Variants in RALGPS1 observed in about 807,000 individuals in gnomAD.
RALGPS1 encodes the protein Ral GEF with PH domain and SH3 binding motif 1.
In RALGPS1, 19 loss-of-function variants were observed where a neutral mutation model predicts 78.8. The ratio of observed to expected loss-of-function variants is 0.24; its 90% CI spans 0.17 to 0.35. RALGPS1 has a LOEUF of 0.35. RALGPS1 is among the 10% of genes least tolerant of loss of function. RALGPS1 has a pLI of 1.00. For synonymous variants in RALGPS1, 228 were observed against 256.3 expected (o/e 0.89, Z 1.06); for missense variants, 454 against 688.3 (o/e 0.66, Z 3.81).
chr9:126,936,878 C>T lies in RALGPS1; in HGVS notation c.-66+21903C>T, dbSNP rs934007753. On this transcript the variant is annotated intron_variant, in intron 1 of 18. Transcript: ENST00000259351. ...TTTTTTTTTTTTTGAGACATAGTCT[C>T]GCTCTGTTGTCCAGGCTGGAGTACA... Among the ~76,000 whole-genome samples, 8 of 149,772 alleles carry T rather than the reference C, an allele frequency of 5.3e-5. No individual in the cohort carries two copies. In the South Asian group the frequency reaches 1.3e-3, roughly 24 times the overall value.
chr9:127,174,265 A>AAG (rs1194767469), intron 10 of RALGPS1, among the ~76,000 whole-genome samples: 1 of 148,780 alleles, frequency 6.7e-6, no homozygotes, highest in Non-Finnish European at 1.5e-5. Flanking sequence ...AAGAAAGAAA[A>AAG]AGAGAGAGAG....
chr9:127,157,839 T>C (rs939560618), intron 8 of RALGPS1, among the ~76,000 whole-genome samples: 11 of 152,162 alleles, frequency 7.2e-5, no homozygotes, highest in African/African-American at 2.4e-4. Flanking sequence ...TCTTGCTTTA[T>C]CACATTCAGC....
intron 5 of RALGPS1, among the ~76,000 whole-genome samples, chr9:127,035,485 A>G (rs777164948): frequency 6.6e-6 from 1 of 152,018 alleles, no homozygotes; most frequent in Non-Finnish European, 1.5e-5. Flanking sequence ...CTTCATTCTT[A>G]TTTTTCTGGT....
intron 8 of RALGPS1, among the ~76,000 whole-genome samples, chr9:127,127,709 A>G (rs1344138764): frequency 1.3e-5 from 2 of 152,232 alleles, no homozygotes; most frequent in Non-Finnish European, 2.9e-5. Flanking sequence ...TTTTAAAACC[A>G]TATGAGTGAA....
At chr9:127,214,904 G>T (rs2062486785) in intron 18 of RALGPS1, 62 bp downstream of exon 18, 2 of 1,601,564 alleles carry the variant, frequency 1.2e-6, no homozygotes, top group Non-Finnish European at 1.7e-6. Flanking sequence ...GGAACTAAGG[G>T]TCTTTAGAAA....
At chr9:127,172,799 T>C (rs2139823185) in intron 10 of RALGPS1, among the ~76,000 whole-genome samples, 1 of 152,332 alleles carries the variant, frequency 6.6e-6, no homozygotes, top group Middle Eastern at 3.4e-3. Flanking sequence ...GTTGTTCCAC[T>C]GCTCTAAGCA....
intron 5 of RALGPS1, among the ~76,000 whole-genome samples, chr9:127,042,362 A>G (rs934756827): frequency 6.6e-6 from 1 of 152,190 alleles, no homozygotes; most frequent in Non-Finnish European, 1.5e-5. Flanking sequence ...TCCTTCAGCA[A>G]TTGGAAATCA....
chr9:127,039,286 T>C (rs1427958411), intron 5 of RALGPS1, among the ~76,000 whole-genome samples: 2 of 152,170 alleles, frequency 1.3e-5, no homozygotes, highest in Non-Finnish European at 2.9e-5. Flanking sequence ...GGGCAGTATC[T>C]GGAAATCAGT....
chr9:126,944,376 G>A (rs2037060249), intron 1 of RALGPS1, among the ~76,000 whole-genome samples: 1 of 151,372 alleles, frequency 6.6e-6, no homozygotes, highest in African/African-American at 2.4e-5. Context: ...CTAAGAGGGA[G>A]GGAAAAGGAG....
chr9:127,118,835 T>C (rs1378190720), intron 8 of RALGPS1, among the ~76,000 whole-genome samples: 1 of 152,246 alleles, frequency 6.6e-6, no homozygotes, highest in Non-Finnish European at 1.5e-5. Flanking sequence ...TTGCTGAATG[T>C]ACCTGCTTTG....
In RALGPS1 at chr9:127,091,664, T is replaced by C; in HGVS notation, c.610+22308T>C. The C allele has an allele frequency of 6.2e-7, 1 of 1,611,098 alleles. No homozygotes were observed. The highest frequency in any genetic ancestry group is 8.5e-7 in the Non-Finnish European group (1 of 1,178,030). On this transcript the variant is annotated intron_variant, in intron 8 of 18. Coordinates refer to ENST00000259351, the MANE Select transcript of RALGPS1 (RefSeq NM_014636.3). The surrounding 1 kb of genome is among the most constrained non-coding windows in gnomAD (Gnocchi z 4.3). Reference sequence around the variant, plus strand: ...CTGCACCTGGGTTTGACTCCACTTTTCCTACCTGTGTAGACATCATGATCT... The same window carrying C: ...CTGCACCTGGGTTTGACTCCACTTTCCCTACCTGTGTAGACATCATGATCT...
intron 7 of RALGPS1, among the ~76,000 whole-genome samples, chr9:127,061,884 A>G (rs1199621428): frequency 6.6e-6 from 1 of 152,118 alleles, no homozygotes; most frequent in Non-Finnish European, 1.5e-5. Flanking sequence ...TGGCAAACTT[A>G]TATCAGGGGA....
chr9:127,167,772 G>A (rs2059368257), intron 9 of RALGPS1, among the ~76,000 whole-genome samples: 1 of 152,310 alleles, frequency 6.6e-6, no homozygotes, highest in East Asian at 1.9e-4. Flanking sequence ...AGAAAGCGAG[G>A]GTCCTTCCTC....
chr9:127,009,047 CAT>C lies in RALGPS1; in HGVS notation c.217-25380_217-25379del, dbSNP rs1415342142. 5.3e-5 allele frequency among the ~76,000 whole-genome samples: 8 copies of C among 152,326 alleles called. No individual in the cohort carries two copies. In the South Asian group the frequency reaches 6.2e-4, roughly 12 times the overall value. On this transcript the variant is annotated intron_variant, in intron 4 of 18. Coordinates refer to ENST00000259351, the MANE Select transcript of RALGPS1 (RefSeq NM_014636.3). ...AGATCCTAGAGGCTTATTTTTGTCA[CAT>C]ATACCATTTTTCACTGCACCACAGT...
chr9:127,041,316 T>G (rs2134989395), intron 5 of RALGPS1, among the ~76,000 whole-genome samples: 1 of 152,258 alleles, frequency 6.6e-6, no homozygotes, highest in Non-Finnish European at 1.5e-5. Flanking sequence ...GGTCTCGAAC[T>G]CCTGACCTCG....
intron 7 of RALGPS1, 78 bp from the exon 8 acceptor site, chr9:127,069,152 T>G (rs2049966891): frequency 7.2e-7 from 1 of 1,383,958 alleles, no homozygotes; most frequent in African/African-American, 1.5e-5. Flanking sequence ...GATTTTCCCT[T>G]TTAGTCTTCA....
intron 11 of RALGPS1, among the ~76,000 whole-genome samples, chr9:127,194,734 TCACCTC>T (rs2061263127): frequency 6.6e-6 from 1 of 152,212 alleles, no homozygotes; most frequent in Admixed American, 6.5e-5. Context: ...CTTTGAAGTC[TCACCTC>T]TGTCATTCAC....
chr9:127,191,230 AG>A (rs1327578139), intron 11 of RALGPS1, among the ~76,000 whole-genome samples: 9 of 152,186 alleles, frequency 5.9e-5, no homozygotes, highest in Admixed American at 5.9e-4. Flanking sequence ...GTTTTGGTAC[AG>A]ACATTTAAAT....
chr9:126,958,152 T>TATATAA (rs2038540081), intron 1 of RALGPS1, among the ~76,000 whole-genome samples: 1 of 94,518 alleles, frequency 1.1e-5, no homozygotes, highest in Non-Finnish European at 2.6e-5. Context: ...AATATATATA[T>TATATAA]ATATATACAC....
Sources: gnomAD v4.1 joint callset for allele counts (sites outside exome capture counted in the v4.1 genomes callset) on GRCh38, gnomAD v4.1.1 for gene constraint, Gnocchi (gnomAD v3.1) non-coding constraint, MANE v1.5 for transcripts, NCBI Gene and HGNC (gene_info 2026-07-23, HGNC 2026-07-21) for gene names.